Variants in CACNG4 observed in about 807,000 individuals in gnomAD.
CACNG4 encodes the protein voltage-dependent calcium channel gamma-4 subunit.
CACNG4 carries 8 observed loss-of-function variants against 22.9 expected under a neutral mutation model. That is an observed-to-expected ratio of 0.35 (90% CI 0.21 to 0.63). CACNG4 has a LOEUF of 0.63. Among genes scored for constraint, CACNG4 ranks in the 30% least tolerant of loss-of-function variants. The pLI is 0.72. For missense variants in CACNG4, 357 were observed against 455.4 expected (o/e 0.78, Z 1.97); for synonymous variants, 188 against 191.9 (o/e 0.98, Z 0.17).
chr17:66,993,151 G>T (rs2035351934), intron 1 of CACNG4, among the ~76,000 whole-genome samples: 1 of 152,266 alleles, frequency 6.6e-6, no homozygotes, highest in Non-Finnish European at 1.5e-5. Flanking sequence ...CTCCAAGGCT[G>T]CCTGACGGTG....
chr17:66,974,369 G>A (rs1464679111), intron 1 of CACNG4, among the ~76,000 whole-genome samples: 1 of 152,196 alleles, frequency 6.6e-6, no homozygotes, highest in African/African-American at 2.4e-5. Flanking sequence ...CCTTATTCGA[G>A]GGACATTCTG....
intron 1 of CACNG4, 70 bp downstream of exon 1, chr17:66,965,201 C>T: frequency 1.1e-6 from 1 of 917,490 alleles, no homozygotes; most frequent in South Asian, 1.8e-5. Flanking sequence ...CACACGCGCG[C>T]GCGCGCGCGC....
chr17:66,981,820 T>C (rs145687268), intron 1 of CACNG4, among the ~76,000 whole-genome samples: 3 of 152,356 alleles, frequency 2.0e-5, no homozygotes, highest in Admixed American at 6.5e-5. Flanking sequence ...TCAAGAACTT[T>C]CCATATGTTA....
At chr17:66,980,461 T>C (rs918967821) in intron 1 of CACNG4, among the ~76,000 whole-genome samples, 2 of 152,132 alleles carry the variant, frequency 1.3e-5, no homozygotes, top group African/African-American at 4.8e-5. Context: ...CCGATGAGGT[T>C]TGAGCAGAAG....
chr17:66,996,110 T>C (rs867432110), intron 1 of CACNG4, among the ~76,000 whole-genome samples: 2 of 152,182 alleles, frequency 1.3e-5, no homozygotes, highest in East Asian at 1.9e-4. Context: ...AGGAGGTTGA[T>C]GACAAGCAGC....
intron 1 of CACNG4, among the ~76,000 whole-genome samples, chr17:66,968,916 T>A (rs1055310067): frequency 6.6e-6 from 1 of 151,684 alleles, no homozygotes; most frequent in East Asian, 2.0e-4. Flanking sequence ...CTCCTTCCAC[T>A]GTGTGCTAGA....
intron 1 of CACNG4, among the ~76,000 whole-genome samples, chr17:66,969,826 A>T (rs946562243): frequency 6.6e-6 from 1 of 152,256 alleles, no homozygotes; most frequent in African/African-American, 2.4e-5. Flanking sequence ...GGTTTCATCA[A>T]ATAATAGCCT....
At chr17:67,023,575 CTT>C (rs34734003) in intron 2 of CACNG4, among the ~76,000 whole-genome samples, 4 of 133,458 alleles carry the variant, frequency 3.0e-5, no homozygotes, top group African/African-American at 2.9e-5. Flanking sequence ...GCGCCCAGCC[CTT>C]TTTTTTTTTT....
intron 3 of CACNG4, among the ~76,000 whole-genome samples, chr17:67,025,815 C>T (rs541036301): frequency 1.3e-5 from 2 of 152,362 alleles, no homozygotes; most frequent in Admixed American, 6.5e-5. Flanking sequence ...AGATGACTTC[C>T]GTTCACATCC....
At chr17:67,024,722 C>A in intron 2 of CACNG4, 138 bp from the exon 3 acceptor site, 1 of 997,912 alleles carries the variant, frequency 1.0e-6, no homozygotes, top group Non-Finnish European at 1.4e-6. Flanking sequence ...CACCTCGAGT[C>A]TCCAGGTCCT....
At chr17:66,993,355 G>T (rs926554449) in intron 1 of CACNG4, among the ~76,000 whole-genome samples, 1 of 152,240 alleles carries the variant, frequency 6.6e-6, no homozygotes, top group East Asian at 1.9e-4. Flanking sequence ...CATCACTGGT[G>T]CTGGAAGAGG....
At chr17:66,988,339 A>G (rs1368599824) in intron 1 of CACNG4, among the ~76,000 whole-genome samples, 1 of 152,084 alleles carries the variant, frequency 6.6e-6, no homozygotes, top group Non-Finnish European at 1.5e-5. Flanking sequence ...TATTGTGTGC[A>G]TGTATCTCAT....
At chr17:66,991,151 T>C (rs2035338133) in intron 1 of CACNG4, among the ~76,000 whole-genome samples, 1 of 151,958 alleles carries the variant, frequency 6.6e-6, no homozygotes, top group Admixed American at 6.6e-5. Flanking sequence ...CACAGGTGGG[T>C]GGTGCAGGTG....
In CACNG4 at chr17:67,014,906, C is replaced by T. The variant is rs560048304; in HGVS notation, c.221-3283C>T. The stretch of plus-strand genomic sequence containing the variant: ...GAGCCGAGATCGCACCACTGCACTC[C>T]AGCCTGGGCGACAGAGCGAGACTCC... On this transcript the variant is annotated intron_variant, in intron 1 of 3. Transcript: ENST00000262138. 6.1e-5 allele frequency among the ~76,000 whole-genome samples: 9 copies of T among 148,266 alleles called. No homozygotes were observed. In the Admixed American group the frequency reaches 6.1e-4, roughly 10 times the overall value.
At chr17:66,997,752 G>T (rs1453852809) in intron 1 of CACNG4, among the ~76,000 whole-genome samples, 1 of 152,172 alleles carries the variant, frequency 6.6e-6, no homozygotes, top group Non-Finnish European at 1.5e-5. Flanking sequence ...GGGAGGTGGA[G>T]GTTGCAGTGA....
intron 1 of CACNG4, among the ~76,000 whole-genome samples, chr17:66,983,877 A>G (rs927108915): frequency 1.3e-5 from 2 of 152,196 alleles, no homozygotes; most frequent in African/African-American, 4.8e-5. Flanking sequence ...GTGTGTTTCC[A>G]TTCATACCCT....
chr17:66,970,789 G>A (rs986610118), intron 1 of CACNG4, among the ~76,000 whole-genome samples: 5 of 152,206 alleles, frequency 3.3e-5, no homozygotes, highest in African/African-American at 1.2e-4. Context: ...ACACAGACAT[G>A]TGTCCATCAC....
chr17:67,024,610 A>G (rs774689653), intron 2 of CACNG4, among the ~76,000 whole-genome samples: 1 of 152,182 alleles, frequency 6.6e-6, no homozygotes, highest in Non-Finnish European at 1.5e-5. Context: ...CCAGGGAGAG[A>G]CTAAACAAGA....
intron 1 of CACNG4, among the ~76,000 whole-genome samples, chr17:66,992,896 T>A (rs374490570): frequency 2.6e-5 from 4 of 152,264 alleles, no homozygotes; most frequent in Non-Finnish European, 5.9e-5. Flanking sequence ...CTGCCCTCGT[T>A]TGGGCCATAC....
Sources: allele counts gnomAD v4.1 joint callset (sites outside exome capture counted in the v4.1 genomes callset), GRCh38; gene constraint gnomAD v4.1.1; transcripts MANE v1.5; gene names NCBI Gene and HGNC (gene_info 2026-07-23, HGNC 2026-07-21).